The following ASAP1 variants were observed in gnomAD, a reference collection of about 807,000 sequenced individuals.
ASAP1 encodes the protein arf-GAP with SH3 domain, ANK repeat and PH domain-containing protein 1.
In ASAP1, 43 loss-of-function variants were observed where a neutral mutation model predicts 145.2. That is an observed-to-expected ratio of 0.30 (90% CI 0.23 to 0.38). The LOEUF is 0.38. Among genes scored for constraint, ASAP1 ranks in the 10% least tolerant of loss-of-function variants. The probability of loss-of-function intolerance (pLI) is 1.00; values close to 1 mark genes in which losing one functional copy is unlikely to be tolerated. For synonymous variants in ASAP1, 546 were observed against 515.5 expected (o/e 1.06, Z -0.80); for missense variants, 1,018 against 1,355.3 (o/e 0.75, Z 3.91).
intron 5 of ASAP1, among the ~76,000 whole-genome samples, chr8:130,191,779 G>T (rs1815156529): frequency 6.6e-6 from 1 of 152,180 alleles, no homozygotes. Flanking sequence ...TACCTAGGAA[G>T]TGTTGAATAC....
At chr8:130,200,351 C>T (rs997651072) in intron 5 of ASAP1, among the ~76,000 whole-genome samples, 9 of 152,138 alleles carry the variant, frequency 5.9e-5, no homozygotes, top group East Asian at 3.9e-4. Flanking sequence ...GACCCCTCTT[C>T]GGAGACTGCC....
intron 3 of ASAP1, among the ~76,000 whole-genome samples, chr8:130,319,561 T>C (rs1586822290): frequency 6.6e-6 from 1 of 152,144 alleles, no homozygotes; most frequent in East Asian, 1.9e-4. Context: ...GCCTACCTTA[T>C]CCGTGAAGAT....
chr8:130,138,711 C>T (rs1462361495), intron 13 of ASAP1, among the ~76,000 whole-genome samples: 1 of 151,862 alleles, frequency 6.6e-6, no homozygotes, highest in Non-Finnish European at 1.5e-5. Flanking sequence ...TGTCGGGTGC[C>T]TGTAATCCCA....
chr8:130,433,587 C>A (rs1418196329), intron 1 of ASAP1, among the ~76,000 whole-genome samples: 4 of 152,190 alleles, frequency 2.6e-5, no homozygotes, highest in African/African-American at 9.7e-5. Flanking sequence ...AGCAGGTGGA[C>A]TTTGATTTTT....
chr8:130,383,872 CCA>C (rs1281605770), intron 2 of ASAP1, among the ~76,000 whole-genome samples: 6 of 152,180 alleles, frequency 3.9e-5, no homozygotes, highest in Non-Finnish European at 8.8e-5. Context: ...CCCATTTCTC[CCA>C]CAGAGGTGAA....
At chr8:130,165,562 T>G (rs1050624450) in intron 11 of ASAP1, among the ~76,000 whole-genome samples, 6 of 152,166 alleles carry the variant, frequency 3.9e-5, no homozygotes, top group African/African-American at 1.4e-4. Flanking sequence ...GTCTAATACT[T>G]GGAAATTCTT....
intron 25 of ASAP1, 102 bp downstream of exon 25, chr8:130,091,871 A>C: frequency 7.8e-7 from 1 of 1,274,110 alleles, no homozygotes; most frequent in Admixed American, 2.9e-5. Context: ...ATGTGTGTGC[A>C]TTTTGGCACA....
At chr8:130,208,965 A>G (rs17282889) in intron 5 of ASAP1, among the ~76,000 whole-genome samples, 1,635 of 152,300 alleles carry the variant, frequency 0.011, 15 homozygotes, top group Admixed American at 0.021. Context: ...CTAGAAAGAT[A>G]AACTCCAAGT....
chr8:130,326,084 C>T (rs1421132125), intron 3 of ASAP1, among the ~76,000 whole-genome samples: 1 of 152,176 alleles, frequency 6.6e-6, no homozygotes, highest in Admixed American at 6.5e-5. Flanking sequence ...GTGTCCTTAA[C>T]CACCGTCTAT....
At chr8:130,124,184 G>T in intron 17 of ASAP1, 80 bp from the exon 18 acceptor site, 1 of 1,016,420 alleles carries the variant, frequency 9.8e-7, no homozygotes, top group Non-Finnish European at 1.5e-6. Flanking sequence ...TTGTTTTTGA[G>T]ATTTATGAAT....
intron 3 of ASAP1, among the ~76,000 whole-genome samples, chr8:130,265,763 A>C (rs769668041): frequency 4.6e-5 from 7 of 152,086 alleles, no homozygotes; most frequent in Non-Finnish European, 1.0e-4. Context: ...TGTGGTCCCA[A>C]GTACTTAGGA....
At chr8:130,130,906 C>T (rs2097581906) in intron 15 of ASAP1, among the ~76,000 whole-genome samples, 1 of 152,098 alleles carries the variant, frequency 6.6e-6, no homozygotes, top group Non-Finnish European at 1.5e-5. Context: ...CCTGTAAGCC[C>T]AGCACTTTGG....
chr8:130,105,363 T>A (rs1231996134), intron 24 of ASAP1, among the ~76,000 whole-genome samples: 1 of 152,232 alleles, frequency 6.6e-6, no homozygotes, highest in Non-Finnish European at 1.5e-5. Context: ...CCATTTTATA[T>A]AAGGCACTTG....
chr8:130,255,339 T>G (rs1047994797), intron 3 of ASAP1, among the ~76,000 whole-genome samples: 5 of 152,226 alleles, frequency 3.3e-5, no homozygotes, highest in African/African-American at 1.2e-4. Flanking sequence ...CGCTATTTTC[T>G]TTTTTGTTGG....
At chr8:130,174,804 A>G (rs1305220161) in intron 9 of ASAP1, among the ~76,000 whole-genome samples, 2 of 152,222 alleles carry the variant, frequency 1.3e-5, no homozygotes, top group African/African-American at 4.8e-5. Flanking sequence ...ATGTTCACCC[A>G]TATGTAACAT....
chr8:130,109,627 C>T (rs567078888), intron 24 of ASAP1, among the ~76,000 whole-genome samples: 1 of 151,982 alleles, frequency 6.6e-6, no homozygotes, highest in South Asian at 2.1e-4. Flanking sequence ...GCAAATGGTT[C>T]TATCAGCTCA....
At position 130,401,953 on chromosome 8, in the gene ASAP1, G is replaced by T; in HGVS notation, c.-10C>A. The T allele has an allele frequency of 6.2e-7, 1 of 1,612,774 alleles. No homozygotes were observed. The highest frequency in any genetic ancestry group is 8.5e-7 in the Non-Finnish European group (1 of 1,179,672). ...AGGCTGAAGATCTCATGTCTCAGCC[G>T]TCACATCAGAAAACGACCTGGATAG... On this transcript the variant is annotated 5_prime_UTR_variant, in exon 2 of 30. Transcript: ENST00000518721.
intron 26 of ASAP1, among the ~76,000 whole-genome samples, chr8:130,079,050 CTGAGTACAG>C (rs1380812233): frequency 6.6e-6 from 1 of 152,088 alleles, no homozygotes; most frequent in Non-Finnish European, 1.5e-5. Context: ...AAAAAATCAG[CTGAGTACAG>C]TGATGCATGC....
At chr8:130,382,272 C>T (rs1203107155) in intron 2 of ASAP1, among the ~76,000 whole-genome samples, 1 of 105,936 alleles carries the variant, frequency 9.4e-6, no homozygotes, top group East Asian at 2.7e-4. Context: ...AGTGACAGAG[C>T]GAGATTCTGT....
Sources: gnomAD v4.1 joint callset for allele counts (sites outside exome capture counted in the v4.1 genomes callset) on GRCh38, gnomAD v4.1.1 for gene constraint, MANE v1.5 for transcripts, NCBI Gene and HGNC (gene_info 2026-07-23, HGNC 2026-07-21) for gene names.